The following ITGB8 variants were observed in gnomAD, a reference collection of about 807,000 sequenced individuals.
ITGB8 encodes integrin subunit beta 8.
Under a neutral mutation model 89.5 loss-of-function variants are expected in ITGB8, and 30 were observed. That is an observed-to-expected ratio of 0.34 (90% CI 0.25 to 0.45). ITGB8 has a LOEUF of 0.45. Ranked by LOEUF, ITGB8 falls within the 20% of genes least tolerant of loss-of-function variation. The pLI is 1.00. For synonymous variants in ITGB8, 335 were observed against 320.4 expected, an observed-to-expected ratio of 1.05 and a Z score of -0.49; for missense variants, 836 against 933.3, an observed-to-expected ratio of 0.90 and a Z score of 1.36.
intron 3 of ITGB8, among the ~76,000 whole-genome samples, chr7:20,378,382 C>G (rs1052662483): frequency 6.6e-6 from 1 of 152,192 alleles, no homozygotes; most frequent in Non-Finnish European, 1.5e-5. Context: ...CTACCTTCCC[C>G]AGGTCCTCCA....
At chr7:20,375,842 T>TA (rs3840629) in intron 3 of ITGB8, among the ~76,000 whole-genome samples, 81,712 of 152,066 alleles carry the variant, frequency 0.54, 22,685 homozygotes, top group South Asian at 0.72. Context: ...TATAACTGTT[T>TA]ATAATACCTG....
chr7:20,355,313 C>T lies in ITGB8; in HGVS notation c.128-8324C>T, dbSNP rs146864010. Among the ~76,000 whole-genome samples the T allele has an allele frequency of 4.3e-3, 656 of 152,300 alleles. 5 individuals are homozygous for T. Among genetic ancestry groups the T allele is most frequent in the African/African-American group, 0.015 (624 of 41,566 alleles). On this transcript the variant is annotated intron_variant, in intron 1 of 13. Transcript: ENST00000222573. Reference sequence around the variant, plus strand: ...TGAGGCCACACTCCCATTGCACCAACGTATATGCTTGCTGCCATGCCTCAC... The same window carrying T: ...TGAGGCCACACTCCCATTGCACCAATGTATATGCTTGCTGCCATGCCTCAC...
chr7:20,384,099 A>G (rs1343590344), intron 6 of ITGB8, among the ~76,000 whole-genome samples: 1 of 152,296 alleles, frequency 6.6e-6, no homozygotes, highest in East Asian at 1.9e-4. Context: ...GGAATGTTCT[A>G]TATTGAAAGC....
rs527786777 is a variant in ITGB8 at position 20,357,433 on chromosome 7, T to C, written c.128-6204T>C. ...GACAAGTTTGAGGACACATAACATC[T>C]TTCTTTGTTTTTTTGAACATAGAGA... On this transcript the variant is annotated intron_variant, in intron 1 of 13. Transcript: ENST00000222573. Among the ~76,000 whole-genome samples, 50 of 152,254 alleles carry C rather than the reference T, an allele frequency of 3.3e-4. No individual in the cohort carries two copies. The East Asian group carries it at 8.5e-3, about 26-fold the overall frequency.
At chr7:20,349,136 A>G (rs1370103087) in intron 1 of ITGB8, among the ~76,000 whole-genome samples, 1 of 152,190 alleles carries the variant, frequency 6.6e-6, no homozygotes, top group Non-Finnish European at 1.5e-5. Context: ...TATAAGATAC[A>G]GTTAACACAT....
chr7:20,346,449 G>A (rs1358760009), intron 1 of ITGB8, among the ~76,000 whole-genome samples: 2 of 152,164 alleles, frequency 1.3e-5, no homozygotes. Flanking sequence ...GGGTGCATCT[G>A]GGAGTCTTGG....
Position 20,401,711 on chromosome 7 carries a change from C to A in ITGB8, c.1282-10C>A. On this transcript the variant is annotated splice_polypyrimidine_tract_variant and intron_variant, in intron 9 of 13. Coordinates refer to ENST00000222573, the MANE Select transcript of ITGB8 (RefSeq NM_002214.3). ...ATATAAATATATTTCCTTTTTCCTCCTAAATTTAGGTTCTTTTCAATGTAA... is the reference window on the plus strand; with the variant it reads ...ATATAAATATATTTCCTTTTTCCTCATAAATTTAGGTTCTTTTCAATGTAA... 1.3e-6 allele frequency: 2 copies of A among 1,494,856 alleles called. No homozygotes were observed. The highest frequency in any genetic ancestry group is 2.4e-5 in the Admixed American group (1 of 42,120). The allele number at this position is 1,494,856 out of a possible 1,614,324, so 92.6% of individuals were successfully genotyped here. A position where few individuals can be genotyped will look rare whatever the true frequency, so the allele number is the denominator to read the frequency against.
chr7:20,380,601 G>A, intron 4 of ITGB8, 65 bp from the exon 5 acceptor site: 1 of 1,316,820 alleles, frequency 7.6e-7, no homozygotes, highest in Non-Finnish European at 1.1e-6. Context: ...CAATTTTACT[G>A]TTAAGTATTC....
chr7:20,388,153 C>T (rs7786537), intron 6 of ITGB8, among the ~76,000 whole-genome samples: 1 of 152,250 alleles, frequency 6.6e-6, no homozygotes, highest in South Asian at 2.1e-4. Context: ...TCTTTCTTAC[C>T]TCTTCTTTCC....
chr7:20,344,119 C>T (rs545231839), intron 1 of ITGB8, among the ~76,000 whole-genome samples: 34 of 151,918 alleles, frequency 2.2e-4, no homozygotes, highest in Non-Finnish European at 4.0e-4. Context: ...GCCTGAGGAA[C>T]TGTGTGGGCA....
chr7:20,401,701 C>CT lies in ITGB8; in HGVS notation c.1282-15dup. 6.9e-7 allele frequency: 1 copy of CT among 1,444,544 alleles called. No individual in the cohort carries two copies. Among genetic ancestry groups the CT allele is most frequent in the Non-Finnish European group, 9.3e-7 (1 of 1,078,766 alleles). 89.5% of individuals were successfully genotyped at this position (1,444,544 alleles called of 1,614,324 possible). On this transcript the variant is annotated intron_variant, in intron 9 of 13. Coordinates refer to ENST00000222573, the MANE Select transcript of ITGB8 (RefSeq NM_002214.3). ...TAATTAAGGTATATAAATATATTTC[C>CT]TTTTTCCTCCTAAATTTAGGTTCTT...
At chr7:20,345,292 T>C (rs1318151793) in intron 1 of ITGB8, among the ~76,000 whole-genome samples, 1 of 152,062 alleles carries the variant, frequency 6.6e-6, no homozygotes, top group Non-Finnish European at 1.5e-5. Flanking sequence ...TTTCAACAAG[T>C]GTGTGGAAAG....
chr7:20,387,166 CA>C (rs780071365), intron 6 of ITGB8, among the ~76,000 whole-genome samples: 2 of 152,206 alleles, frequency 1.3e-5, no homozygotes, highest in Admixed American at 6.5e-5. Flanking sequence ...GTTCAGTTAA[CA>C]GCATTCAACA....
At position 20,331,647 on chromosome 7, in the gene ITGB8, T is replaced by A. The variant is rs1784399105; in HGVS notation, c.-160T>A. The A allele has an allele frequency of 1.2e-6, 1 of 838,234 alleles. No homozygotes were observed. The highest frequency in any genetic ancestry group is 1.8e-5 in the African/African-American group (1 of 54,934). 51.9% of individuals were successfully genotyped at this position (838,234 alleles called of 1,614,324 possible). A position where few individuals can be genotyped will look rare whatever the true frequency, so the allele number is the denominator to read the frequency against. On this transcript the variant is annotated 5_prime_UTR_variant, in exon 1 of 14. The change creates a premature stop within an existing upstream ORF in the 5' untranslated region. Coordinates refer to ENST00000222573, the MANE Select transcript of ITGB8 (RefSeq NM_002214.3). The stretch of plus-strand genomic sequence containing the variant: ...ATGCCGAGCGGTGCCCGGGCCCGCT[T>A]ACCTGCACCGCTTGCTCCGAGCCGC...
chr7:20,406,222 A>T, intron 12 of ITGB8, 51 bp downstream of exon 12: 1 of 1,129,032 alleles, frequency 8.9e-7, no homozygotes, highest in Non-Finnish European at 1.3e-6. Context: ...GTAGAGGATG[A>T]TGTTCCCCCA....
chr7:20,394,816 C>A, intron 7 of ITGB8, 80 bp from the exon 8 acceptor site: 1 of 1,001,496 alleles, frequency 1.0e-6, no homozygotes, highest in Non-Finnish European at 1.6e-6. Flanking sequence ...CTGATAACTA[C>A]AAAAATATTT....
chr7:20,395,007 T>C, intron 8 of ITGB8, 22 bp downstream of exon 8: 1 of 1,431,724 alleles, frequency 7.0e-7, no homozygotes, highest in Non-Finnish European at 9.8e-7. Context: ...TTAGATACAA[T>C]TTTTTAAATA....
intron 1 of ITGB8, among the ~76,000 whole-genome samples, chr7:20,348,815 G>A (rs1785015715): frequency 6.6e-6 from 1 of 152,184 alleles, no homozygotes. Context: ...GTAGCCAGTG[G>A]GAACAAGGAG....
At chr7:20,395,876 G>T (rs1425785385) in intron 8 of ITGB8, among the ~76,000 whole-genome samples, 2 of 152,130 alleles carry the variant, frequency 1.3e-5, no homozygotes, top group Non-Finnish European at 2.9e-5. Flanking sequence ...CAAGCCTCAG[G>T]TGCTTCCTCC....
Sources: gnomAD v4.1 joint callset for allele counts (sites outside exome capture counted in the v4.1 genomes callset) on GRCh38, gnomAD v4.1.1 for gene constraint, MANE v1.5 for transcripts, NCBI Gene and HGNC (gene_info 2026-07-23, HGNC 2026-07-21) for gene names.